The following RASAL2 variants were observed in gnomAD, a reference collection of about 807,000 sequenced individuals.
RASAL2 encodes the protein ras GTPase-activating protein nGAP.
A neutral mutation model predicts 128.9 loss-of-function variants in RASAL2; 58 were observed. The ratio of observed to expected loss-of-function variants is 0.45; its 90% CI spans 0.36 to 0.56. The LOEUF is 0.56. Ranked by LOEUF, RASAL2 falls within the 20% of genes least tolerant of loss-of-function variation. RASAL2 has a pLI of 0.00. For missense variants in RASAL2, 1,360 were observed against 1,601.6 expected (o/e 0.85, Z 2.57); for synonymous variants, 561 against 580.8 (o/e 0.97, Z 0.49).
intron 2 of RASAL2, among the ~76,000 whole-genome samples, chr1:178,297,660 A>G (rs1235690563): frequency 1.3e-5 from 2 of 151,668 alleles, no homozygotes; most frequent in Non-Finnish European, 1.5e-5. Flanking sequence ...TAAAGGTTAT[A>G]TTATGTTCTT....
intron 1 of RASAL2, among the ~76,000 whole-genome samples, chr1:178,184,889 A>G (rs1046373431): frequency 6.6e-6 from 1 of 152,106 alleles, no homozygotes; most frequent in Non-Finnish European, 1.5e-5. Flanking sequence ...TTGAATATAT[A>G]GAACAAATAG....
chr1:178,433,687 C>T (rs930388553), intron 5 of RASAL2, among the ~76,000 whole-genome samples: 2 of 151,894 alleles, frequency 1.3e-5, no homozygotes, highest in African/African-American at 2.4e-5. Context: ...CTGAGGCGGG[C>T]GGATCACCTG....
At chr1:178,285,347 C>G (rs1430404504) in intron 2 of RASAL2, among the ~76,000 whole-genome samples, 1 of 151,668 alleles carries the variant, frequency 6.6e-6, no homozygotes, top group Non-Finnish European at 1.5e-5. Context: ...GTCTCGATCT[C>G]CTGACCTCAT....
At chr1:178,440,112 C>T (rs1676533956) in intron 6 of RASAL2, among the ~76,000 whole-genome samples, 1 of 151,962 alleles carries the variant, frequency 6.6e-6, no homozygotes, top group Non-Finnish European at 1.5e-5. Flanking sequence ...TTTGAATAAA[C>T]AAAATTGCCA....
At chr1:178,453,949 A>G (rs1677578242) in intron 11 of RASAL2, among the ~76,000 whole-genome samples, 1 of 152,068 alleles carries the variant, frequency 6.6e-6, no homozygotes, top group Non-Finnish European at 1.5e-5. Context: ...AAAAATATTT[A>G]TATTTTATTT....
At chr1:178,312,415 C>T (rs578101739) in intron 3 of RASAL2, among the ~76,000 whole-genome samples, 10 of 152,228 alleles carry the variant, frequency 6.6e-5, no homozygotes, top group Admixed American at 2.0e-4. Context: ...AAATTTTTTT[C>T]CAGTCCAGAA....
chr1:178,158,034 G>A (rs768280727), intron 1 of RASAL2, among the ~76,000 whole-genome samples: 4 of 152,094 alleles, frequency 2.6e-5, no homozygotes, highest in Non-Finnish European at 4.4e-5. Context: ...GCAGATTAGT[G>A]GCCAGTGGAC....
chr1:178,264,354 A>G (rs1231003199), intron 1 of RASAL2, among the ~76,000 whole-genome samples: 1 of 152,174 alleles, frequency 6.6e-6, no homozygotes, highest in Non-Finnish European at 1.5e-5. Flanking sequence ...TGAAACCAAG[A>G]TAGACTTATA....
intron 14 of RASAL2, 92 bp from the exon 15 acceptor site, chr1:178,464,186 T>A: frequency 7.1e-7 from 1 of 1,401,140 alleles, no homozygotes; most frequent in African/African-American, 1.4e-5. Flanking sequence ...AACTGAGAGA[T>A]CACAGTTAAT....
chr1:178,179,631 A>G (rs1442518704), intron 1 of RASAL2, among the ~76,000 whole-genome samples: 1 of 152,192 alleles, frequency 6.6e-6, no homozygotes, highest in Non-Finnish European at 1.5e-5. Context: ...TTATAAAGTG[A>G]TAACACAAGT....
chr1:178,165,606 A>C (rs1394969161), intron 1 of RASAL2, among the ~76,000 whole-genome samples: 1 of 152,184 alleles, frequency 6.6e-6, no homozygotes, highest in Non-Finnish European at 1.5e-5. Context: ...ATATACACAC[A>C]AATGCAAACA....
chr1:178,284,465 G>A (rs1666926540), intron 2 of RASAL2, among the ~76,000 whole-genome samples: 1 of 152,160 alleles, frequency 6.6e-6, no homozygotes, highest in African/African-American at 2.4e-5. Context: ...GGTCAAGAAG[G>A]GCAGAGAGTA....
chr1:178,421,611 C>G lies in RASAL2; in HGVS notation c.674+991C>G, dbSNP rs1392933846. Among the ~76,000 whole-genome samples the G allele has an allele frequency of 2.0e-5, 3 of 152,072 alleles. No homozygotes were observed. The East Asian group carries it at 5.8e-4, about 29-fold the overall frequency. On this transcript the variant is annotated intron_variant, in intron 5 of 17. Transcript: ENST00000367649. ...AAGTAGTAGAGCTAAGATTTGAACT[C>G]AGGTCTGCCTCTCATATTTGATACT...
chr1:178,135,400 G>T (rs1229048103), intron 1 of RASAL2, among the ~76,000 whole-genome samples: 2 of 145,738 alleles, frequency 1.4e-5, no homozygotes, highest in African/African-American at 5.1e-5. Flanking sequence ...TGTATTTCCA[G>T]AATACTTGTG....
chr1:178,110,650 A>ATATATG (rs68137228), intron 1 of RASAL2, among the ~76,000 whole-genome samples: 11,257 of 139,112 alleles, frequency 0.081, 571 homozygotes, highest in Middle Eastern at 0.14. Flanking sequence ...ATATATATAT[A>ATATATG]TATGTATGTA....
intron 1 of RASAL2, among the ~76,000 whole-genome samples, chr1:178,280,407 A>G (rs1219205607): frequency 6.6e-6 from 1 of 152,102 alleles, no homozygotes; most frequent in Non-Finnish European, 1.5e-5. Flanking sequence ...CTATGTTAAC[A>G]TGCAGTAGGA....
chr1:178,199,681 C>G (rs1413440940), intron 1 of RASAL2, among the ~76,000 whole-genome samples: 1 of 150,688 alleles, frequency 6.6e-6, no homozygotes, highest in Admixed American at 6.7e-5. Context: ...AACCAATCTT[C>G]TGTGTTTTTT....
At chr1:178,261,086 C>T (rs539557999) in intron 1 of RASAL2, among the ~76,000 whole-genome samples, 1 of 152,304 alleles carries the variant, frequency 6.6e-6, no homozygotes, top group East Asian at 1.9e-4. Flanking sequence ...CTGCTGCCAT[C>T]ATTATTAAAC....
At chr1:178,333,025 A>G (rs1669409909) in intron 3 of RASAL2, among the ~76,000 whole-genome samples, 1 of 151,420 alleles carries the variant, frequency 6.6e-6, no homozygotes, top group Admixed American at 6.6e-5. Flanking sequence ...TATCAGATTT[A>G]TTTATTTATT....
Sources: gnomAD v4.1 joint callset for allele counts (sites outside exome capture counted in the v4.1 genomes callset) on GRCh38, gnomAD v4.1.1 for gene constraint, MANE v1.5 for transcripts, NCBI Gene and HGNC (gene_info 2026-07-23, HGNC 2026-07-21) for gene names.